The following TTC39C variants were observed in gnomAD, a reference collection of about 807,000 sequenced individuals.
The protein encoded by TTC39C is tetratricopeptide repeat protein 39C.
In TTC39C, 33 loss-of-function variants were observed where a neutral mutation model predicts 76.3. The observed-to-expected ratio is 0.43, with a 90% confidence interval of 0.33 to 0.58. The LOEUF (loss-of-function observed/expected upper bound fraction) is 0.58. TTC39C is among the 20% of genes least tolerant of loss of function. The probability of loss-of-function intolerance (pLI) is 0.04; values close to 1 mark genes in which losing one functional copy is unlikely to be tolerated. For missense variants in TTC39C, 595 were observed against 701.4 expected (o/e 0.85, Z 1.71); for synonymous variants, 254 against 260.6 (o/e 0.97, Z 0.24).
intron 1 of TTC39C, among the ~76,000 whole-genome samples, chr18:24,050,144 G>A (rs1449170065): frequency 2.0e-5 from 3 of 152,188 alleles, no homozygotes; most frequent in East Asian, 1.9e-4. Flanking sequence ...TCAGGCACTC[G>A]TATCCCCTGT....
intron 11 of TTC39C, 59 bp downstream of exon 11, chr18:24,129,042 C>A (rs113744892): frequency 7.6e-7 from 1 of 1,320,934 alleles, no homozygotes; most frequent in Non-Finnish European, 1.1e-6. Context: ...TACGTATATG[C>A]TTGTGAATAA....
At chr18:24,089,209 G>A (rs189994801) in intron 6 of TTC39C, among the ~76,000 whole-genome samples, 3 of 152,296 alleles carry the variant, frequency 2.0e-5, no homozygotes, top group Non-Finnish European at 4.4e-5. Context: ...TCTAGGGTAC[G>A]TTGACATTAT....
chr18:24,065,547 G>A (rs553863760), intron 2 of TTC39C, among the ~76,000 whole-genome samples: 1 of 152,284 alleles, frequency 6.6e-6, no homozygotes, highest in African/African-American at 2.4e-5. Flanking sequence ...TGAACCTACT[G>A]GAATTGCAGT....
intron 1 of TTC39C, among the ~76,000 whole-genome samples, chr18:24,017,541 C>T (rs1214428136): frequency 1.3e-5 from 2 of 152,154 alleles, no homozygotes; most frequent in South Asian, 2.1e-4. Context: ...CTGCATAGTT[C>T]GAGTACAAGA....
intron 6 of TTC39C, among the ~76,000 whole-genome samples, chr18:24,083,446 G>A (rs1202638179): frequency 6.6e-6 from 1 of 152,068 alleles, no homozygotes. Context: ...CTTTGATCTT[G>A]GCTAACAATT....
At chr18:24,129,879 A>C (rs1403710587) in intron 11 of TTC39C, among the ~76,000 whole-genome samples, 2 of 152,054 alleles carry the variant, frequency 1.3e-5, no homozygotes, top group Non-Finnish European at 2.9e-5. Flanking sequence ...GTATGGGCTT[A>C]TGATAGTTAT....
chr18:24,090,997 G>A (rs1271560698), intron 6 of TTC39C, among the ~76,000 whole-genome samples: 2 of 151,826 alleles, frequency 1.3e-5, no homozygotes, highest in African/African-American at 4.8e-5. Context: ...AGCGGAGATG[G>A]GGTTTCACCA....
intron 6 of TTC39C, among the ~76,000 whole-genome samples, chr18:24,104,420 GGAC>G (rs1483249807): frequency 7.9e-5 from 12 of 152,096 alleles, no homozygotes; most frequent in Admixed American, 2.0e-4. Flanking sequence ...GCCCTGCCTA[GGAC>G]ATTTTTACCT....
At chr18:24,014,690 C>T, upstream of TTC39C, 1 of 960,386 alleles carries the variant, frequency 1.0e-6, no homozygotes, top group Non-Finnish European at 1.3e-6. Context: ...GCGCCGCAGC[C>T]GGGCCGCGGC....
At chr18:24,093,478 CAAAA>C (rs34863957) in intron 6 of TTC39C, among the ~76,000 whole-genome samples, 1 of 113,166 alleles carries the variant, frequency 8.8e-6, no homozygotes, top group Non-Finnish European at 2.0e-5. Context: ...GACTCTGTCT[CAAAA>C]AAAAAAAAAA....
Position 24,134,359 on chromosome 18 carries a change from T to C in TTC39C, c.*1785T>C, listed in dbSNP as rs1318030677. ...CGTGATCTTGGCTCACTGCAACCTC[T>C]GCCTCCTGGGTTCACACCATTCTCC... is the stretch of plus-strand genomic sequence containing the variant. On this transcript the variant is annotated 3_prime_UTR_variant, in exon 14 of 14. Coordinates refer to ENST00000317571, the MANE Select transcript of TTC39C (RefSeq NM_001135993.2). 3 of 139,154 alleles carry C rather than the reference T, an allele frequency of 2.2e-5. No homozygotes were observed. Among genetic ancestry groups the C allele is most frequent in the Admixed American group, 8.0e-5 (1 of 12,544 alleles). 8.6% of individuals were successfully genotyped at this position (139,154 alleles called of 1,614,324 possible). A position where few individuals can be genotyped will look rare whatever the true frequency, so the allele number is the denominator to read the frequency against.
At chr18:24,114,782 T>A (rs185682277) in intron 7 of TTC39C, 135 bp downstream of exon 7, 218 of 611,794 alleles carry the variant, frequency 3.6e-4, no homozygotes, top group South Asian at 5.1e-4. Context: ...GTTATTCCCG[T>A]AGCACATGCA....
At chr18:24,071,847 A>G (rs776549066) in intron 4 of TTC39C, among the ~76,000 whole-genome samples, 3 of 152,220 alleles carry the variant, frequency 2.0e-5, no homozygotes, top group Non-Finnish European at 4.4e-5. Context: ...AATCCTGTTC[A>G]TCATAGTATT....
At chr18:24,122,234 A>G (rs2084976873) in intron 8 of TTC39C, among the ~76,000 whole-genome samples, 1 of 152,006 alleles carries the variant, frequency 6.6e-6, no homozygotes, top group South Asian at 2.1e-4. Flanking sequence ...CGAAGGGGGA[A>G]CTAGCCAGGC....
intron 1 of TTC39C, among the ~76,000 whole-genome samples, chr18:24,017,482 A>G (rs2083467607): frequency 6.6e-6 from 1 of 152,230 alleles, no homozygotes; most frequent in South Asian, 2.1e-4. Flanking sequence ...AACTCTAGCT[A>G]GCTTCTGTAC....
chr18:24,078,591 CT>C (rs1039093431), intron 4 of TTC39C, among the ~76,000 whole-genome samples: 1 of 152,210 alleles, frequency 6.6e-6, no homozygotes, highest in African/African-American at 2.4e-5. Flanking sequence ...CAGGCACAAG[CT>C]TCCAAGGCTT....
At chr18:24,117,302 C>T (rs2084905995) in intron 7 of TTC39C, among the ~76,000 whole-genome samples, 1 of 152,162 alleles carries the variant, frequency 6.6e-6, no homozygotes, top group African/African-American at 2.4e-5. Context: ...GCCCATTTAA[C>T]TGTTTCGATC....
intron 1 of TTC39C, among the ~76,000 whole-genome samples, chr18:24,007,610 C>G (rs1000507681): frequency 2.4e-4 from 36 of 152,204 alleles, no homozygotes; most frequent in African/African-American, 8.2e-4. Context: ...TCTGGAACTT[C>G]TGACCTCAGG....
chr18:24,014,099 G>C (rs2083414931), upstream of TTC39C, among the ~76,000 whole-genome samples: 2 of 152,344 alleles, frequency 1.3e-5, no homozygotes, highest in South Asian at 4.1e-4. Context: ...GGGCTCCGGG[G>C]AGCTGCGGGG....
Sources: gnomAD v4.1 joint callset for allele counts (sites outside exome capture counted in the v4.1 genomes callset) on GRCh38, gnomAD v4.1.1 for gene constraint, MANE v1.5 for transcripts, NCBI Gene and HGNC (gene_info 2026-07-23, HGNC 2026-07-21) for gene names.